The following NFIC variants were observed in gnomAD, a reference collection of about 807,000 sequenced individuals.
The protein encoded by NFIC is nuclear factor 1 C-type.
NFIC carries 12 observed loss-of-function variants against 54.4 expected under a neutral mutation model. The observed-to-expected ratio is 0.22, with a 90% CI of 0.14 to 0.36. The LOEUF (loss-of-function observed/expected upper bound fraction) is 0.36, where lower values mean the gene tolerates loss of function less well. Among genes scored for constraint, NFIC ranks in the 10% least tolerant of loss-of-function variants. The probability of loss-of-function intolerance (pLI) is 1.00; values close to 1 mark genes in which losing one functional copy is unlikely to be tolerated. For missense variants in NFIC, 575 were observed against 718.2 expected (o/e 0.80, Z 2.28); for synonymous variants, 322 against 319.2 (o/e 1.01, Z -0.09).
intron 6 of NFIC, among the ~76,000 whole-genome samples, chr19:3,441,667 G>GGGAAGGGCCAGAGGGGCCGGGGGCACA (rs2082295690): frequency 6.6e-6 from 1 of 152,226 alleles, no homozygotes; most frequent in African/African-American, 2.4e-5. Flanking sequence ...AGGGGCCCAA[G>GGGAAGGGCCAGAGGGGCCGGGGGCACA]GGAAGGGCCA....
At chr19:3,450,262 G>A (rs927171487) in intron 7 of NFIC, among the ~76,000 whole-genome samples, 6 of 151,148 alleles carry the variant, frequency 4.0e-5, no homozygotes, top group African/African-American at 1.2e-4. Flanking sequence ...GGAGAATGGC[G>A]TGAACCCGGG....
chr19:3,393,458 C>T (rs1182292207), intron 2 of NFIC, among the ~76,000 whole-genome samples: 1 of 152,058 alleles, frequency 6.6e-6, no homozygotes, highest in Non-Finnish European at 1.5e-5. Context: ...TCCACTGGGG[C>T]CCTGACCACA....
chr19:3,463,247 A>G lies in NFIC; in HGVS notation c.*478A>G. ...TGTGCCCAGGGCCGACAGGCGCGAC[A>G]CCCAGCAAGGCCACCTCTCCCCGGG... On this transcript the variant is annotated 3_prime_UTR_variant, in exon 11 of 11. Coordinates refer to ENST00000443272, the MANE Select transcript of NFIC (RefSeq NM_001245002.2). 1.0e-6 allele frequency: 1 copy of G among 991,100 alleles called. No individual in the cohort carries two copies. Among genetic ancestry groups the G allele is most frequent in the South Asian group, 4.6e-5 (1 of 21,728 alleles). The allele number at this position is 991,100 out of a possible 1,614,324, so 61.4% of individuals were successfully genotyped here. A position where few individuals can be genotyped will look rare whatever the true frequency, so the allele number is the denominator to read the frequency against.
intron 3 of NFIC, among the ~76,000 whole-genome samples, chr19:3,427,490 G>A (rs1317604672): frequency 6.6e-6 from 1 of 152,072 alleles, no homozygotes; most frequent in Non-Finnish European, 1.5e-5. Context: ...GCAGAGAGAA[G>A]AAGACAAGAG....
intron 2 of NFIC, chr19:3,411,328 CT>C (rs11420547): frequency 1.5e-4 from 16 of 104,842 alleles, no homozygotes; most frequent in South Asian, 6.9e-4. Context: ...CCCTCCAGTG[CT>C]TTTTTTTTTT....
intron 3 of NFIC, among the ~76,000 whole-genome samples, chr19:3,430,654 T>C (rs988149229): frequency 6.6e-6 from 1 of 151,924 alleles, no homozygotes; most frequent in African/African-American, 2.4e-5. Context: ...TCCTGGACAT[T>C]TCAGTGAAAT....
intron 1 of NFIC, among the ~76,000 whole-genome samples, chr19:3,374,292 G>A (rs1014955529): frequency 2.0e-5 from 3 of 152,112 alleles, no homozygotes; most frequent in Admixed American, 2.0e-4. Context: ...TGCTCTCTTT[G>A]GCCAGGAAGT....
intron 5 of NFIC, among the ~76,000 whole-genome samples, chr19:3,434,762 C>G (rs2082171944): frequency 6.6e-6 from 1 of 152,326 alleles, no homozygotes. Flanking sequence ...GATCATACCC[C>G]TAACAGGCAG....
At chr19:3,395,937 AG>A (rs1291364536) in intron 2 of NFIC, among the ~76,000 whole-genome samples, 1 of 152,100 alleles carries the variant, frequency 6.6e-6, no homozygotes, top group Non-Finnish European at 1.5e-5. Context: ...CTGGGATGAC[AG>A]GCATGAACTA....
chr19:3,384,420 G>A (rs913498219), intron 2 of NFIC, among the ~76,000 whole-genome samples: 9 of 147,840 alleles, frequency 6.1e-5, no homozygotes, highest in Admixed American at 5.5e-4. Flanking sequence ...ATGGAGTTTC[G>A]CCCTGTTCCC....
At chr19:3,415,760 GT>G (rs1452212857) in intron 2 of NFIC, among the ~76,000 whole-genome samples, 1 of 152,152 alleles carries the variant, frequency 6.6e-6, no homozygotes, top group African/African-American at 2.4e-5. Context: ...GGGAGAAGTT[GT>G]TCAGTGATGT....
intron 3 of NFIC, among the ~76,000 whole-genome samples, chr19:3,428,910 C>T (rs796591478): frequency 3.3e-5 from 5 of 152,018 alleles, no homozygotes; most frequent in South Asian, 4.1e-4. Flanking sequence ...CGGGGGCCAC[C>T]GCTCTGTCCT....
intron 2 of NFIC, among the ~76,000 whole-genome samples, chr19:3,405,318 G>A (rs2081630557): frequency 6.6e-6 from 1 of 152,204 alleles, no homozygotes; most frequent in African/African-American, 2.4e-5. Flanking sequence ...TGTCCCTGGG[G>A]CGGGCGGGGA....
chr19:3,464,237 G>A lies in NFIC; in HGVS notation c.*1468G>A. 1.0e-6 allele frequency: 1 copy of A among 985,440 alleles called. No homozygotes were observed. Among genetic ancestry groups the A allele is most frequent in the Non-Finnish European group, 1.2e-6 (1 of 829,934 alleles). The allele number at this position is 985,440 out of a possible 1,614,324, so 61.0% of individuals were successfully genotyped here. On this transcript the variant is annotated 3_prime_UTR_variant, in exon 11 of 11. Coordinates refer to ENST00000443272, the MANE Select transcript of NFIC (RefSeq NM_001245002.2). Reference sequence around the variant, plus strand: ...GGCTGGGCCCCCAGAGGAGAGAGGAGGCCGACGCCAGCGGTCCCCGCTCGG... The same window carrying A: ...GGCTGGGCCCCCAGAGGAGAGAGGAAGCCGACGCCAGCGGTCCCCGCTCGG...
chr19:3,462,885 C>T lies in NFIC; in HGVS notation c.*116C>T, dbSNP rs1177519424. ...ATTAGAGTGAACAAGAACACCCCTG[C>T]CGACTCCCAGCCCGGCCAAAAAGAC... is the stretch of plus-strand genomic sequence containing the variant. On this transcript the variant is annotated 3_prime_UTR_variant, in exon 11 of 11. Coordinates refer to ENST00000443272, the MANE Select transcript of NFIC (RefSeq NM_001245002.2). The T allele has an allele frequency of 1.3e-6, 2 of 1,583,868 alleles. No homozygotes were observed. The highest frequency in any genetic ancestry group is 8.6e-7 in the Non-Finnish European group (1 of 1,168,800).
At chr19:3,405,195 C>T (rs909550148) in intron 2 of NFIC, among the ~76,000 whole-genome samples, 2 of 152,218 alleles carry the variant, frequency 1.3e-5, no homozygotes, top group African/African-American at 2.4e-5. Context: ...ACTTAAGGAA[C>T]GCAGGAAGGA....
intron 2 of NFIC, among the ~76,000 whole-genome samples, chr19:3,398,781 G>A (rs918739385): frequency 6.6e-5 from 10 of 152,156 alleles, no homozygotes; most frequent in African/African-American, 2.2e-4. Flanking sequence ...AAGGGCAGCC[G>A]GCCCGCTTAC....
rs896714782 is a variant in NFIC at position 3,369,668 on chromosome 19, G to A, written c.30+3002G>A. Among the ~76,000 whole-genome samples the A allele has an allele frequency of 6.6e-6, 1 of 151,448 alleles. No homozygotes were observed. Among genetic ancestry groups the A allele is most frequent in the Non-Finnish European group, 1.5e-5 (1 of 67,816 alleles). ...GCTTTTTCACTTTTACTCTTAAGAG[G>A]AACTGTGTGGAGCCCATGGCTCCCA... On this transcript the variant is annotated intron_variant, in intron 1 of 10. Transcript: ENST00000443272. The surrounding 1 kb of genome is among the most constrained non-coding windows in gnomAD (Gnocchi z 4.3).
At chr19:3,394,598 G>T (rs1485188256) in intron 2 of NFIC, among the ~76,000 whole-genome samples, 10 of 136,332 alleles carry the variant, frequency 7.3e-5, no homozygotes, top group African/African-American at 2.5e-4. Context: ...ACGTGGCCAG[G>T]GGCTGCTGTA....
Sources: allele counts gnomAD v4.1 joint callset (sites outside exome capture counted in the v4.1 genomes callset), GRCh38; gene constraint gnomAD v4.1.1; non-coding constraint Gnocchi (gnomAD v3.1); transcripts MANE v1.5; gene names NCBI Gene and HGNC (gene_info 2026-07-23, HGNC 2026-07-21).